ZNF831: variants seen among roughly 807,000 people sequenced by gnomAD.
ZNF831 encodes the protein zinc finger protein 831.
In ZNF831, 59 loss-of-function variants were observed where a neutral mutation model predicts 95.8. The ratio of observed to expected loss-of-function variants is 0.62; its 90% CI spans 0.50 to 0.77. The LOEUF (loss-of-function observed/expected upper bound fraction) is 0.77. Ranked by LOEUF, ZNF831 falls within the 30% of genes least tolerant of loss-of-function variation. ZNF831 has a pLI of 0.00. For missense variants in ZNF831, 2,205 were observed against 2,164.0 expected (o/e 1.02, Z -0.38); for synonymous variants, 961 against 925.5 (o/e 1.04, Z -0.70).
chr20:59,255,160 C>G lies in ZNF831; in HGVS notation c.*417C>G, dbSNP rs968479126. 1 of 165,260 alleles carries G rather than the reference C, an allele frequency of 6.1e-6. No homozygotes were observed. The highest frequency in any genetic ancestry group is 2.4e-5 in the African/African-American group (1 of 41,688). 10.2% of individuals were successfully genotyped at this position (165,260 alleles called of 1,614,324 possible). A position where few individuals can be genotyped will look rare whatever the true frequency, so the allele number is the denominator to read the frequency against. ...GACCCCACACAGTCGAGGCAACTGG[C>G]TTTCTCCATTAGTAAACTGAGGATT... On this transcript the variant is annotated 3_prime_UTR_variant, in exon 6 of 6. Transcript: ENST00000371030.
At chr20:59,253,337 T>C (rs951485967) in intron 5 of ZNF831, among the ~76,000 whole-genome samples, 199 bp downstream of exon 5, 1 of 152,068 alleles carries the variant, frequency 6.6e-6, no homozygotes, top group Non-Finnish European at 1.5e-5. Flanking sequence ...AGTGCAAACA[T>C]TGGGATGATT....
At chr20:59,213,317 A>AT (rs1198776413) in intron 4 of ZNF831, among the ~76,000 whole-genome samples, 1 of 152,192 alleles carries the variant, frequency 6.6e-6, no homozygotes, top group African/African-American at 2.4e-5. Context: ...CGTTGTGGGC[A>AT]TATTAGCTTA....
At chr20:59,236,114 C>T (rs1461877339) in intron 4 of ZNF831, among the ~76,000 whole-genome samples, 2 of 152,184 alleles carry the variant, frequency 1.3e-5, no homozygotes, top group East Asian at 3.9e-4. Flanking sequence ...GTGTGTCTGA[C>T]ATCCTCGTAA....
rs1261393257 is a variant in ZNF831, at chr20:59,164,055, A to G, written c.-189A>G. ...CAGCAAAGAGTAGCGAGCTCCCTAC[A>G]GAGAGTGAGAGCACGGGCTCTTGAG... On this transcript the variant is annotated 5_prime_UTR_variant, in exon 1 of 6. Coordinates refer to ENST00000371030, the MANE Select transcript of ZNF831 (RefSeq NM_178457.3). Among the ~76,000 whole-genome samples the G allele has an allele frequency of 7.2e-5, 11 of 152,134 alleles. No homozygotes were observed. The highest frequency in any genetic ancestry group is 6.5e-4 in the Admixed American group (10 of 15,276).
rs1339353133 is a variant in ZNF831 at position 59,217,656 on chromosome 20, G to A, written c.4027+10600G>A. Reference sequence around the variant, plus strand: ...ATGCTACCTTCTATGCCTGTGGATGGGAGGGCCTTTCCAGCCCTCCTTGAT... The same window carrying A: ...ATGCTACCTTCTATGCCTGTGGATGAGAGGGCCTTTCCAGCCCTCCTTGAT... On this transcript the variant is annotated intron_variant, in intron 4 of 5. Coordinates refer to ENST00000371030, the MANE Select transcript of ZNF831 (RefSeq NM_178457.3). The surrounding 1 kb of genome is among the most constrained non-coding windows in gnomAD (Gnocchi z 4.4). 6.6e-6 allele frequency among the ~76,000 whole-genome samples: 1 copy of A among 152,126 alleles called. No homozygotes were observed. Among genetic ancestry groups the A allele is most frequent in the Non-Finnish European group, 1.5e-5 (1 of 68,018 alleles).
At chr20:59,236,614 T>C (rs1987015435) in intron 4 of ZNF831, among the ~76,000 whole-genome samples, 1 of 150,720 alleles carries the variant, frequency 6.6e-6, no homozygotes, top group Non-Finnish European at 1.5e-5. Flanking sequence ...CAGTCTGGTC[T>C]CTAACTCTTG....
At chr20:59,221,684 G>C (rs565153900) in intron 4 of ZNF831, among the ~76,000 whole-genome samples, 1 of 152,328 alleles carries the variant, frequency 6.6e-6, no homozygotes, top group South Asian at 2.1e-4. Flanking sequence ...TGCAAGCTCA[G>C]TTCCAAGGTT....
chr20:59,176,455 T>C (rs1031877770), intron 1 of ZNF831, among the ~76,000 whole-genome samples: 5 of 152,196 alleles, frequency 3.3e-5, no homozygotes, highest in Admixed American at 6.5e-5. Context: ...TTTTACTGTA[T>C]GTAAATTGTA....
At chr20:59,177,156 C>T (rs949595316) in intron 1 of ZNF831, among the ~76,000 whole-genome samples, 2 of 152,170 alleles carry the variant, frequency 1.3e-5, no homozygotes, top group Non-Finnish European at 2.9e-5. Context: ...TCTCCATTTG[C>T]CGTGGAGGAG....
intron 4 of ZNF831, among the ~76,000 whole-genome samples, chr20:59,239,398 TCATAA>T (rs1385118848): frequency 5.9e-5 from 9 of 152,224 alleles, no homozygotes; most frequent in African/African-American, 2.2e-4. Flanking sequence ...TTGAATTTAG[TCATAA>T]CATATTTTAA....
At chr20:59,174,053 G>A (rs1981951093) in intron 1 of ZNF831, among the ~76,000 whole-genome samples, 1 of 152,142 alleles carries the variant, frequency 6.6e-6, no homozygotes, top group Non-Finnish European at 1.5e-5. Context: ...CAACCCTCTG[G>A]GGTGCTGCTG....
chr20:59,134,409 T>C (rs541542214), intron 1 of ZNF831, among the ~76,000 whole-genome samples: 7 of 152,340 alleles, frequency 4.6e-5, no homozygotes, highest in Admixed American at 4.6e-4. Flanking sequence ...ACGTCATTGA[T>C]TGCTGAATAA....
intron 1 of ZNF831, among the ~76,000 whole-genome samples, chr20:59,168,581 T>C (rs1236718062): frequency 3.3e-5 from 5 of 152,022 alleles, no homozygotes; most frequent in Non-Finnish European, 1.5e-5. Flanking sequence ...CTGTATTTTG[T>C]ATTTCTTTCT....
intron 2 of ZNF831, among the ~76,000 whole-genome samples, chr20:59,148,267 C>A (rs1979987494): frequency 6.6e-6 from 1 of 152,102 alleles, no homozygotes; most frequent in Admixed American, 6.6e-5. Flanking sequence ...ATGGGGCTGG[C>A]CTCTCTGTTG....
intron 4 of ZNF831, among the ~76,000 whole-genome samples, chr20:59,238,646 C>T (rs182174626): frequency 1.9e-4 from 29 of 152,300 alleles, no homozygotes; most frequent in Admixed American, 1.1e-3. Flanking sequence ...CTTTGAGATT[C>T]GTGAGGGAGA....
chr20:59,206,764 G>T, intron 3 of ZNF831, 141 bp from the exon 4 acceptor site: 1 of 841,346 alleles, frequency 1.2e-6, no homozygotes, highest in Non-Finnish European at 1.9e-6. Flanking sequence ...GGTATGGAGG[G>T]ATCAGGAGTT....
intron 4 of ZNF831, among the ~76,000 whole-genome samples, chr20:59,227,523 A>T (rs141853561): frequency 6.6e-6 from 1 of 152,230 alleles, no homozygotes; most frequent in Non-Finnish European, 1.5e-5. Context: ...AAGTAGAAAA[A>T]GACCTAGTAT....
intron 1 of ZNF831, among the ~76,000 whole-genome samples, chr20:59,180,777 A>T (rs533468599): frequency 3.0e-4 from 46 of 152,278 alleles, no homozygotes; most frequent in Middle Eastern, 3.4e-3. Flanking sequence ...TCTATCACTG[A>T]TGGGCATTTG....
intron 4 of ZNF831, among the ~76,000 whole-genome samples, chr20:59,209,066 C>G (rs994858068): frequency 6.6e-6 from 1 of 152,214 alleles, no homozygotes; most frequent in African/African-American, 2.4e-5. Context: ...GACAGACAGA[C>G]TGACCCACTG....
Sources: gnomAD v4.1 joint callset for allele counts (sites outside exome capture counted in the v4.1 genomes callset) on GRCh38, gnomAD v4.1.1 for gene constraint, Gnocchi (gnomAD v3.1) non-coding constraint, MANE v1.5 for transcripts, NCBI Gene and HGNC (gene_info 2026-07-23, HGNC 2026-07-21) for gene names.